Variants in FGGY observed in about 807,000 individuals in gnomAD.
FGGY encodes the protein FGGY carbohydrate kinase domain-containing protein.
FGGY carries 72 observed loss-of-function variants against 71.3 expected under a neutral mutation model. That is an observed-to-expected ratio of 1.01 (90% CI 0.84 to 1.23). The LOEUF (loss-of-function observed/expected upper bound fraction) is 1.23, where lower values mean the gene tolerates loss of function less well. FGGY is among the 50% of genes most tolerant of loss of function. The pLI is 0.00. For synonymous variants in FGGY, 251 were observed against 250.3 expected (o/e 1.00, Z -0.02); for missense variants, 668 against 682.3 (o/e 0.98, Z 0.23).
chr1:59,399,933 G>C (rs2061745771), intron 5 of FGGY, among the ~76,000 whole-genome samples: 1 of 152,132 alleles, frequency 6.6e-6, no homozygotes, highest in Non-Finnish European at 1.5e-5. Context: ...TCAAAATCGT[G>C]GATGGACTTG....
intron 7 of FGGY, among the ~76,000 whole-genome samples, chr1:59,538,617 G>C (rs976755383): frequency 6.6e-6 from 1 of 150,492 alleles, no homozygotes; most frequent in Non-Finnish European, 1.5e-5. Flanking sequence ...ATGATAGACT[G>C]GATTAAGAAA....
intron 14 of FGGY, chr1:59,698,868 A>C: frequency 3.0e-6 from 3 of 985,466 alleles, no homozygotes; most frequent in Non-Finnish European, 3.6e-6. Flanking sequence ...AATAATAATG[A>C]AACTGAATTG....
chr1:59,328,257 T>C (rs2047788094), intron 2 of FGGY, among the ~76,000 whole-genome samples: 2 of 152,244 alleles, frequency 1.3e-5, no homozygotes, highest in African/African-American at 4.8e-5. Context: ...TTGATTGTCT[T>C]ACCCAAATCA....
intron 7 of FGGY, among the ~76,000 whole-genome samples, chr1:59,515,207 T>G (rs570199916): frequency 6.6e-6 from 1 of 152,330 alleles, no homozygotes; most frequent in South Asian, 2.1e-4. Context: ...GAGGTCATTT[T>G]GGAGCTTTAA....
intron 8 of FGGY, among the ~76,000 whole-genome samples, chr1:59,594,027 T>C (rs34568925): frequency 0.18 from 26,964 of 152,108 alleles, 2,892 homozygotes; most frequent in South Asian, 0.35. Flanking sequence ...TATATAAACT[T>C]CTTACAACAA....
At chr1:59,472,427 C>T (rs1433476813) in intron 6 of FGGY, among the ~76,000 whole-genome samples, 1 of 152,232 alleles carries the variant, frequency 6.6e-6, no homozygotes, top group Non-Finnish European at 1.5e-5. Flanking sequence ...CCCTGCTCCA[C>T]GGAGCCTAGT....
chr1:59,728,952 T>A (rs1029865307), intron 14 of FGGY, among the ~76,000 whole-genome samples: 14 of 152,228 alleles, frequency 9.2e-5, no homozygotes, highest in African/African-American at 3.4e-4. Flanking sequence ...TTCTTAGCCA[T>A]TATTACTTCA....
Position 59,651,411 on chromosome 1 carries a change from A to G in FGGY, c.1222-8808A>G, listed in dbSNP as rs1372698939. Among the ~76,000 whole-genome samples the G allele has an allele frequency of 3.6e-4, 54 of 148,340 alleles. No homozygotes were observed. The East Asian group carries it at 5.6e-3, about 16-fold the overall frequency. On this transcript the variant is annotated intron_variant, in intron 11 of 15. Coordinates refer to ENST00000303721, the MANE Select transcript of FGGY (RefSeq NM_018291.5). ...TAAGTCTCTTTGTAGGTCACTCAGGACTTGCTTTATGAATCTGGGTGCTCC... is the reference window on the plus strand; with the variant it reads ...TAAGTCTCTTTGTAGGTCACTCAGGGCTTGCTTTATGAATCTGGGTGCTCC...
chr1:59,478,235 G>A (rs2093343100), intron 6 of FGGY, among the ~76,000 whole-genome samples: 1 of 152,146 alleles, frequency 6.6e-6, no homozygotes, highest in African/African-American at 2.4e-5. Flanking sequence ...GTTGTTCTGA[G>A]TAATTACTTT....
At chr1:59,742,276 C>T (rs749011759) in intron 14 of FGGY, among the ~76,000 whole-genome samples, 48 of 152,224 alleles carry the variant, frequency 3.2e-4, no homozygotes, top group Non-Finnish European at 6.2e-4. Flanking sequence ...CCACCAAAAT[C>T]ATGCTGCCTC....
At chr1:59,551,763 G>A (rs1034318269) in intron 7 of FGGY, among the ~76,000 whole-genome samples, 2 of 152,132 alleles carry the variant, frequency 1.3e-5, no homozygotes, top group African/African-American at 4.8e-5. Flanking sequence ...TCCATAAAAT[G>A]AGGATAATAC....
intron 14 of FGGY, among the ~76,000 whole-genome samples, chr1:59,723,983 C>CA: frequency 6.7e-6 from 1 of 148,684 alleles, no homozygotes; most frequent in Admixed American, 6.7e-5. Flanking sequence ...GCCAGCATGG[C>CA]AAAACCCCGT....
chr1:59,517,196 G>T (rs2153639067), intron 7 of FGGY, among the ~76,000 whole-genome samples: 1 of 149,032 alleles, frequency 6.7e-6, no homozygotes, highest in East Asian at 2.0e-4. Context: ...CACCCCAACT[G>T]CCCTGAAAGG....
At chr1:59,584,564 T>C (rs2096251524) in intron 8 of FGGY, among the ~76,000 whole-genome samples, 1 of 149,984 alleles carries the variant, frequency 6.7e-6, no homozygotes, top group Admixed American at 6.6e-5. Context: ...GCCAATATCA[T>C]ACTGAATGGG....
chr1:59,344,053 C>T lies in FGGY; in HGVS notation c.314-2194C>T, dbSNP rs75308656. On this transcript the variant is annotated intron_variant, in intron 3 of 15. Transcript: ENST00000303721. ...ATTTTTAAAAGTTATCAAGGCGACG[C>T]TAATGTGCAACTAGGTTTGAGAACT... Among the ~76,000 whole-genome samples the T allele has an allele frequency of 2.8e-3, 423 of 152,284 alleles. 4 individuals are homozygous for T. Among genetic ancestry groups the T allele is most frequent in the African/African-American group, 9.3e-3 (385 of 41,572 alleles).
At chr1:59,558,901 A>C (rs779351439) in intron 8 of FGGY, among the ~76,000 whole-genome samples, 5 of 152,176 alleles carry the variant, frequency 3.3e-5, no homozygotes, top group Non-Finnish European at 7.3e-5. Flanking sequence ...AAAATAATTT[A>C]GCGATATCTT....
chr1:59,620,929 C>T (rs565499880), intron 9 of FGGY, among the ~76,000 whole-genome samples: 2 of 152,110 alleles, frequency 1.3e-5, no homozygotes, highest in South Asian at 4.1e-4. Flanking sequence ...TCTTGACTAC[C>T]ATAACAAAAT....
rs71582605 is a variant in FGGY at position 59,584,211 on chromosome 1, C to CA, written c.904-23583dup. Among the ~76,000 whole-genome samples the CA allele has an allele frequency of 1.1e-3, 163 of 147,238 alleles. 11 individuals are homozygous for CA. Among genetic ancestry groups the CA allele is most frequent in the African/African-American group, 3.6e-3 (138 of 38,518 alleles). ...CCAAAGCCTGGCAGAGACACAACAA[C>CA]AAAAAAAAAGAGAATTTTAGACCAA... On this transcript the variant is annotated intron_variant, in intron 8 of 15. Transcript: ENST00000303721.
intron 5 of FGGY, among the ~76,000 whole-genome samples, chr1:59,405,604 T>A (rs1206332082): frequency 6.6e-6 from 1 of 152,018 alleles, no homozygotes; most frequent in Non-Finnish European, 1.5e-5. Context: ...AAAATAAGAT[T>A]TTTTTTTAGA....
Sources: gnomAD v4.1 joint callset for allele counts (sites outside exome capture counted in the v4.1 genomes callset) on GRCh38, gnomAD v4.1.1 for gene constraint, MANE v1.5 for transcripts, NCBI Gene and HGNC (gene_info 2026-07-23, HGNC 2026-07-21) for gene names.